The following DNAJC16 variants were observed in gnomAD, a reference collection of about 807,000 sequenced individuals.
The protein encoded by DNAJC16 is dnaJ homolog subfamily C member 16.
Under a neutral mutation model 92.7 loss-of-function variants are expected in DNAJC16, and 76 were observed. That is an observed-to-expected ratio of 0.82 (90% CI 0.68 to 0.99). The LOEUF is 0.99. Ranked by LOEUF, DNAJC16 falls within the 50% of genes least tolerant of loss-of-function variation. The pLI is 0.00. For synonymous variants in DNAJC16, 328 were observed against 358.7 expected (o/e 0.91, Z 0.97); for missense variants, 869 against 942.4 (o/e 0.92, Z 1.02).
intron 4 of DNAJC16, among the ~76,000 whole-genome samples, chr1:15,538,143 T>TC (rs1324366567): frequency 2.0e-5 from 3 of 152,146 alleles, no homozygotes; most frequent in African/African-American, 7.2e-5. Flanking sequence ...ATACCTGTAA[T>TC]CCCAACACTT....
intron 4 of DNAJC16, among the ~76,000 whole-genome samples, chr1:15,540,784 T>C (rs549798035): frequency 6.6e-6 from 1 of 152,312 alleles, no homozygotes; most frequent in East Asian, 1.9e-4. Flanking sequence ...CGGTCTGGTA[T>C]AACGTATACT....
chr1:15,554,906 T>C (rs758851882), intron 7 of DNAJC16, among the ~76,000 whole-genome samples: 22 of 152,136 alleles, frequency 1.4e-4, no homozygotes, highest in Non-Finnish European at 2.6e-4. Context: ...CCTTTGAACA[T>C]GATATATCTG....
In DNAJC16 at chr1:15,567,986, G is replaced by A; in HGVS notation, c.2158G>A (p.Glu720Lys). ...CAAGCCCCAAAAGACAGTCGAAGAG[G>A]AGGAAGCCATAGGGTCGTGCAGTGA... ...LFKPQKTVEE[E>K]EAIGSCSDVD... The change falls in exon 15 of 15, where the codon GAG becomes AAG. Residue 720 changes from glutamate (E) to lysine (K), a missense_variant. Coordinates refer to ENST00000375847, the MANE Select transcript of DNAJC16 (RefSeq NM_015291.4). 1 of 1,614,238 alleles carries A rather than the reference G, an allele frequency of 6.2e-7. No homozygotes were observed. The highest frequency in any genetic ancestry group is 8.5e-7 in the Non-Finnish European group (1 of 1,180,048).
chr1:15,536,272 G>A (rs868303460), intron 3 of DNAJC16, among the ~76,000 whole-genome samples: 2 of 151,486 alleles, frequency 1.3e-5, no homozygotes, highest in Non-Finnish European at 2.9e-5. Context: ...TAGAGACGGG[G>A]TTTCTCCATG....
At chr1:15,539,247 T>A (rs573771797) in intron 4 of DNAJC16, among the ~76,000 whole-genome samples, 28 of 151,864 alleles carry the variant, frequency 1.8e-4, no homozygotes, top group South Asian at 6.3e-4. Flanking sequence ...TATTTTATTT[T>A]TTTTTTTTAT....
chr1:15,549,087 GAAAC>G (rs1460961625), intron 7 of DNAJC16, among the ~76,000 whole-genome samples: 2 of 152,190 alleles, frequency 1.3e-5, no homozygotes, highest in Non-Finnish European at 2.9e-5. Context: ...AGGGTATAGA[GAAAC>G]AAGTACTATC....
At chr1:15,567,305 T>A (rs1638841307) in intron 14 of DNAJC16, 36 bp downstream of exon 14, 4 of 1,576,700 alleles carry the variant, frequency 2.5e-6, no homozygotes, top group African/African-American at 1.4e-5. Flanking sequence ...TGTATGTGTG[T>A]GAGAGAGAGA....
Position 15,566,089 on chromosome 1 carries a change from AATG to A in DNAJC16, c.1692_1694del (p.Asp564del). ...CCTTTTTTCTTACTTTAGCGACTCT[AATG>A]ATGAGCGAGAGTCAAGCCCTCCAGA... On this transcript the variant is annotated inframe_deletion, in exon 13 of 15. Transcript: ENST00000375847. The A allele has an allele frequency of 1.9e-6, 3 of 1,613,768 alleles. No individual in the cohort carries two copies. The highest frequency in any genetic ancestry group is 2.5e-6 in the Non-Finnish European group (3 of 1,179,946).
chr1:15,540,140 A>G (rs889275013), intron 4 of DNAJC16, among the ~76,000 whole-genome samples: 14 of 152,096 alleles, frequency 9.2e-5, no homozygotes, highest in African/African-American at 3.4e-4. Context: ...AGCCTGACCA[A>G]TGTGGTAAAA....
At position 15,567,120 on chromosome 1, in the gene DNAJC16, T is replaced by C. The variant is rs765986545; in HGVS notation, c.1800T>C (p.Phe600=). The change falls in exon 14 of 15, where the codon TTT becomes TTC. Residue 600 remains phenylalanine, a synonymous_variant. Coordinates refer to ENST00000375847, the MANE Select transcript of DNAJC16 (RefSeq NM_015291.4). The stretch of plus-strand genomic sequence containing the variant: ...ACAGCAAGATTCCTAAAAAAGGCTT[T>C]GTGGAGGTAACTGAACTCACAGATG... ...ENSSKIPKKG[F]VEVTELTDVT... is the part of the protein sequence containing the mutation. 1.2e-6 allele frequency: 2 copies of C among 1,610,328 alleles called. No homozygotes were observed. The highest frequency in any genetic ancestry group is 1.7e-6 in the Non-Finnish European group (2 of 1,176,758).
chr1:15,540,724 A>G (rs565298310), intron 4 of DNAJC16, among the ~76,000 whole-genome samples: 1 of 152,128 alleles, frequency 6.6e-6, no homozygotes, highest in Non-Finnish European at 1.5e-5. Context: ...GGCATGAATC[A>G]CCGTGCCCAG....
chr1:15,537,244 G>A (rs758487477), intron 4 of DNAJC16, among the ~76,000 whole-genome samples: 13 of 152,104 alleles, frequency 8.5e-5, no homozygotes, highest in African/African-American at 1.2e-4. Flanking sequence ...CTGTGACTCC[G>A]AAGCACCAAT....
At chr1:15,561,785 T>C (rs1210051101) in intron 8 of DNAJC16, among the ~76,000 whole-genome samples, 1 of 152,012 alleles carries the variant, frequency 6.6e-6, no homozygotes, top group Non-Finnish European at 1.5e-5. Flanking sequence ...CCCAACACTT[T>C]GGGAGCCTGA....
At chr1:15,530,887 C>T (rs1017510255) in intron 2 of DNAJC16, among the ~76,000 whole-genome samples, 2 of 152,160 alleles carry the variant, frequency 1.3e-5, no homozygotes, top group African/African-American at 4.8e-5. Context: ...GGGGTTTTGC[C>T]ATATTGGCCA....
At chr1:15,553,407 T>C (rs1182999419) in intron 7 of DNAJC16, among the ~76,000 whole-genome samples, 2 of 151,758 alleles carry the variant, frequency 1.3e-5, no homozygotes, top group Non-Finnish European at 2.9e-5. Context: ...CTAATTTTTG[T>C]ATTTTTGGTA....
At chr1:15,534,176 A>G (rs1159314093) in intron 2 of DNAJC16, 61 bp from the exon 3 acceptor site, 8 of 1,572,000 alleles carry the variant, frequency 5.1e-6, no homozygotes, top group Non-Finnish European at 7.0e-6. Flanking sequence ...GGACAAGGAC[A>G]TTAAATGACT....
intron 7 of DNAJC16, 26 bp downstream of exon 7, chr1:15,548,454 A>T (rs201777275): frequency 6.3e-7 from 1 of 1,581,926 alleles, no homozygotes; most frequent in East Asian, 2.3e-5. Context: ...CTTGGTTAAG[A>T]TTTTCTTCAC....
Position 15,563,977 on chromosome 1 carries a change from A to G in DNAJC16, c.1387A>G (p.Thr463Ala), listed in dbSNP as rs1442155244. 4 of 1,614,044 alleles carry G rather than the reference A, an allele frequency of 2.5e-6. No homozygotes were observed. Among genetic ancestry groups the G allele is most frequent in the Non-Finnish European group, 3.4e-6 (4 of 1,180,034 alleles). The change falls in exon 10 of 15, where the codon ACC becomes GCC. Residue 463 changes from threonine (T) to alanine (A), a missense_variant. Coordinates refer to ENST00000375847, the MANE Select transcript of DNAJC16 (RefSeq NM_015291.4). ...CACAGCAGGAAGGGTGGTGTATAAA[A>G]CCCTGGAAGACCCTTGGATTGGGAG... Reference protein sequence around the residue: ...RNTAGRVVYKTLEDPWIGSES... With the variant: ...RNTAGRVVYKALEDPWIGSES...
intron 5 of DNAJC16, 68 bp downstream of exon 5, chr1:15,544,651 C>A: frequency 6.6e-7 from 1 of 1,506,540 alleles, no homozygotes; most frequent in Non-Finnish European, 9.0e-7. Flanking sequence ...GTTAATTGCC[C>A]AGAACATTTT....
Sources: allele counts gnomAD v4.1 joint callset (sites outside exome capture counted in the v4.1 genomes callset), GRCh38; gene constraint gnomAD v4.1.1; transcripts MANE v1.5; gene names NCBI Gene and HGNC (gene_info 2026-07-23, HGNC 2026-07-21).